The following PPP2R2B variants were observed in gnomAD, a reference collection of about 807,000 sequenced individuals.
PPP2R2B encodes serine/threonine-protein phosphatase 2A 55 kDa regulatory subunit B beta isoform.
A neutral mutation model predicts 46.0 loss-of-function variants in PPP2R2B; 5 were observed. The ratio of observed to expected loss-of-function variants is 0.11; its 90% CI spans 0.06 to 0.23. PPP2R2B has a LOEUF of 0.23. Among genes scored for constraint, PPP2R2B ranks in the 10% least tolerant of loss-of-function variants. The pLI is 1.00. For synonymous variants in PPP2R2B, 215 were observed against 206.7 expected, an observed-to-expected ratio of 1.04 and a Z score of -0.34; for missense variants, 367 against 575.0, an observed-to-expected ratio of 0.64 and a Z score of 3.70.
chr5:146,619,599 A>T (rs527478353), intron 7 of PPP2R2B, among the ~76,000 whole-genome samples: 1 of 152,206 alleles, frequency 6.6e-6, no homozygotes, highest in Non-Finnish European at 1.5e-5. Flanking sequence ...AGGAACTCTA[A>T]TTTTTTCATG....
At chr5:146,995,936 C>T (rs988284491) in intron 1 of PPP2R2B, among the ~76,000 whole-genome samples, 1 of 152,238 alleles carries the variant, frequency 6.6e-6, no homozygotes, top group East Asian at 1.9e-4. Flanking sequence ...TATAGATATG[C>T]CATGCTTCAA....
chr5:146,784,727 T>C (rs920639507), intron 2 of PPP2R2B, among the ~76,000 whole-genome samples: 1 of 152,216 alleles, frequency 6.6e-6, no homozygotes, highest in African/African-American at 2.4e-5. Flanking sequence ...GACTGCCGTG[T>C]TGATTTTAAA....
At chr5:146,878,851 G>A, upstream of PPP2R2B, 1 of 1,206,542 alleles carries the variant, frequency 8.3e-7, no homozygotes, top group Non-Finnish European at 1.1e-6. The surrounding 1 kb of genome is among the most constrained non-coding windows in gnomAD (Gnocchi z 4.5). Context: ...AGTGGTGGCC[G>A]AGGCAGAGGC....
intron 2 of PPP2R2B, among the ~76,000 whole-genome samples, chr5:146,853,298 C>G (rs1173409452): frequency 6.6e-6 from 1 of 152,022 alleles, no homozygotes; most frequent in Non-Finnish European, 1.5e-5. Flanking sequence ...TGATTCATGC[C>G]CCAGTTTAAA....
chr5:146,927,458 C>T (rs936827799), intron 1 of PPP2R2B, among the ~76,000 whole-genome samples: 3 of 152,134 alleles, frequency 2.0e-5, no homozygotes, highest in Admixed American at 6.5e-5. Context: ...ATATAAACCA[C>T]GCAGATTAAC....
chr5:146,861,423 C>G (rs566237174), intron 2 of PPP2R2B, among the ~76,000 whole-genome samples: 15 of 152,166 alleles, frequency 9.9e-5, no homozygotes, highest in African/African-American at 3.6e-4. Flanking sequence ...AATCTCCTGA[C>G]CTCGTGATCC....
chr5:146,745,194 G>GAGAGAA (rs1753110306), intron 2 of PPP2R2B, among the ~76,000 whole-genome samples: 1 of 139,402 alleles, frequency 7.2e-6, no homozygotes, highest in East Asian at 2.1e-4. Flanking sequence ...GAGAGAGAGA[G>GAGAGAA]AGAGAGAGAG....
In PPP2R2B at chr5:146,581,561, A is replaced by G. The variant is rs1769895664; in HGVS notation, c.*8386T>C. The G allele has an allele frequency of 6.6e-6, 1 of 152,214 alleles. No individual in the cohort carries two copies. Among genetic ancestry groups the G allele is most frequent in the Non-Finnish European group, 1.5e-5 (1 of 68,038 alleles). 9.4% of individuals were successfully genotyped at this position (152,214 alleles called of 1,614,324 possible). On this transcript the variant is annotated 3_prime_UTR_variant, in exon 10 of 10. Transcript: ENST00000394411. The stretch of plus-strand genomic sequence containing the variant: ...TCTGCCTTTTCAAAAATAATATGAA[A>G]AATAAGAACTGTTGTCCTTCTTCTC...
At chr5:146,962,162 C>T (rs553380614) in intron 1 of PPP2R2B, among the ~76,000 whole-genome samples, 1 of 147,902 alleles carries the variant, frequency 6.8e-6, no homozygotes, top group East Asian at 2.0e-4. Context: ...CACACGTGTA[C>T]TCTGAGCCCT....
At chr5:146,771,457 G>T (rs1754850122) in intron 2 of PPP2R2B, among the ~76,000 whole-genome samples, 1 of 152,106 alleles carries the variant, frequency 6.6e-6, no homozygotes, top group African/African-American at 2.4e-5. Flanking sequence ...GTTGACCTGA[G>T]GTATACTCAG....
At chr5:146,726,825 G>A (rs1045754750) in intron 2 of PPP2R2B, among the ~76,000 whole-genome samples, 15 of 152,116 alleles carry the variant, frequency 9.9e-5, no homozygotes, top group East Asian at 1.9e-4. Flanking sequence ...TGCTCCTGGG[G>A]AATCATCAGG....
chr5:146,906,999 T>C (rs1472506752), intron 1 of PPP2R2B, among the ~76,000 whole-genome samples: 1 of 152,126 alleles, frequency 6.6e-6, no homozygotes, highest in Non-Finnish European at 1.5e-5. Flanking sequence ...AAGGGGGCGC[T>C]GCAGGGACAG....
At chr5:146,831,980 T>C (rs1758969902) in intron 2 of PPP2R2B, among the ~76,000 whole-genome samples, 2 of 152,328 alleles carry the variant, frequency 1.3e-5, no homozygotes, top group Admixed American at 1.3e-4. Context: ...AGGTAACATG[T>C]GTTCTTTTGT....
chr5:146,983,706 C>T (rs1333095622), intron 1 of PPP2R2B, among the ~76,000 whole-genome samples: 4 of 152,034 alleles, frequency 2.6e-5, no homozygotes, highest in Non-Finnish European at 4.4e-5. Context: ...ATTTTTGCTT[C>T]AATTGTTAAA....
chr5:146,991,749 A>C (rs1753707510), intron 1 of PPP2R2B, among the ~76,000 whole-genome samples: 1 of 152,136 alleles, frequency 6.6e-6, no homozygotes, highest in Non-Finnish European at 1.5e-5. Flanking sequence ...ATCAAAGAAG[A>C]AATCAAGAGA....
chr5:146,969,988 C>T (rs556332866), intron 1 of PPP2R2B, among the ~76,000 whole-genome samples: 4 of 152,300 alleles, frequency 2.6e-5, no homozygotes, highest in African/African-American at 7.2e-5. Flanking sequence ...TACATAGATG[C>T]TAACCAAAGC....
chr5:146,860,331 G>A (rs572537491), intron 2 of PPP2R2B, among the ~76,000 whole-genome samples: 5 of 152,226 alleles, frequency 3.3e-5, no homozygotes, highest in Admixed American at 1.3e-4. Flanking sequence ...CTCAAACTCT[G>A]GCTCTAGACC....
intron 2 of PPP2R2B, among the ~76,000 whole-genome samples, chr5:146,854,107 CAATA>C (rs1760507091): frequency 1.3e-5 from 2 of 152,064 alleles, no homozygotes; most frequent in South Asian, 4.1e-4. Flanking sequence ...AGTAAGTGCA[CAATA>C]AATACTTAAT....
At chr5:146,633,469 C>T (rs1377391747) in intron 7 of PPP2R2B, among the ~76,000 whole-genome samples, 1 of 152,226 alleles carries the variant, frequency 6.6e-6, no homozygotes, top group Non-Finnish European at 1.5e-5. Context: ...AACTTGTTTT[C>T]CCAGCTGGCA....
Sources: gnomAD v4.1 joint callset for allele counts (sites outside exome capture counted in the v4.1 genomes callset) on GRCh38, gnomAD v4.1.1 for gene constraint, Gnocchi (gnomAD v3.1) non-coding constraint, MANE v1.5 for transcripts, NCBI Gene and HGNC (gene_info 2026-07-23, HGNC 2026-07-21) for gene names.